CDH13: variants seen among roughly 807,000 people sequenced by gnomAD.
CDH13 encodes cadherin-13.
CDH13 carries 24 observed loss-of-function variants against 63.8 expected under a neutral mutation model. The observed-to-expected ratio is 0.38, with a 90% CI of 0.27 to 0.53. The LOEUF is 0.53. Ranked by LOEUF, CDH13 falls within the 20% of genes least tolerant of loss-of-function variation. The pLI is 0.85. For synonymous variants in CDH13, 503 were observed against 355.3 expected, an observed-to-expected ratio of 1.42 and a Z score of -4.67; for missense variants, 1,049 against 903.1, an observed-to-expected ratio of 1.16 and a Z score of -2.07.
chr16:82,691,406 G>A (rs1452490199), intron 1 of CDH13, among the ~76,000 whole-genome samples: 1 of 152,144 alleles, frequency 6.6e-6, no homozygotes, highest in African/African-American at 2.4e-5. Flanking sequence ...AAATCTTCAA[G>A]CTATAGGGGT....
chr16:83,440,449 G>C (rs1209393216), intron 6 of CDH13, among the ~76,000 whole-genome samples: 1 of 152,120 alleles, frequency 6.6e-6, no homozygotes, highest in Non-Finnish European at 1.5e-5. Flanking sequence ...CAGTCGTGGG[G>C]AGGAGGGGTC....
At chr16:83,567,956 A>G (rs1173183901) in intron 7 of CDH13, among the ~76,000 whole-genome samples, 1 of 152,164 alleles carries the variant, frequency 6.6e-6, no homozygotes, top group East Asian at 1.9e-4. Flanking sequence ...GCCCCAATTC[A>G]TCGCATTCTG....
intron 10 of CDH13, among the ~76,000 whole-genome samples, chr16:83,689,745 G>A (rs1240735799): frequency 6.6e-6 from 1 of 152,186 alleles, no homozygotes; most frequent in Non-Finnish European, 1.5e-5. Flanking sequence ...GTCCCTGAGT[G>A]TAGGCTGCAC....
intron 1 of CDH13, chr16:82,719,221 T>A: frequency 3.1e-6 from 1 of 324,418 alleles, no homozygotes; most frequent in Non-Finnish European, 6.2e-6. Flanking sequence ...CTCAGGAGTT[T>A]CCACGAGCAG....
intron 1 of CDH13, among the ~76,000 whole-genome samples, chr16:82,633,797 A>G (rs1005074899): frequency 6.6e-6 from 1 of 152,226 alleles, no homozygotes; most frequent in Non-Finnish European, 1.5e-5. Context: ...TGTTAATGCT[A>G]CAATTAATGC....
intron 10 of CDH13, among the ~76,000 whole-genome samples, chr16:83,691,120 C>CAG (rs147970060): frequency 9.3e-5 from 9 of 96,934 alleles, no homozygotes; most frequent in South Asian, 6.6e-4. Context: ...GTGTGTGTGT[C>CAG]AGAGAGAGAG....
chr16:82,651,110 G>C (rs80327453), intron 1 of CDH13, among the ~76,000 whole-genome samples: 14 of 152,156 alleles, frequency 9.2e-5, no homozygotes, highest in Non-Finnish European at 2.1e-4. Flanking sequence ...TCCCTCCTGG[G>C]ATAGAAATTT....
chr16:82,673,145 G>A (rs1913492838), intron 1 of CDH13, among the ~76,000 whole-genome samples: 1 of 151,626 alleles, frequency 6.6e-6, no homozygotes, highest in African/African-American at 2.4e-5. Flanking sequence ...CCCAGCCCCA[G>A]GAAACATGTT....
At chr16:83,401,497 G>A (rs1046580488) in intron 6 of CDH13, among the ~76,000 whole-genome samples, 13 of 152,190 alleles carry the variant, frequency 8.5e-5, no homozygotes, top group East Asian at 7.7e-4. Flanking sequence ...GGGTAACAGA[G>A]CAAGACTCCG....
chr16:82,812,866 T>C (rs919114789), intron 1 of CDH13, among the ~76,000 whole-genome samples: 3 of 151,390 alleles, frequency 2.0e-5, no homozygotes, highest in African/African-American at 7.3e-5. Context: ...TTCTTTCCTG[T>C]AGGAGATACT....
At chr16:83,590,473 G>C (rs560992735) in intron 7 of CDH13, among the ~76,000 whole-genome samples, 1 of 152,206 alleles carries the variant, frequency 6.6e-6, no homozygotes, top group Non-Finnish European at 1.5e-5. Flanking sequence ...TTGTGGGGAA[G>C]ATGGGTTCTG....
chr16:83,130,749 A>G (rs530118070), intron 4 of CDH13, among the ~76,000 whole-genome samples: 3 of 152,320 alleles, frequency 2.0e-5, no homozygotes, highest in Admixed American at 1.3e-4. Flanking sequence ...CTTTTAAATC[A>G]TTTGTCTTGC....
In CDH13 at chr16:83,748,148, A is replaced by G; in HGVS notation, c.1579A>G (p.Asn527Asp). Residue 527 changes from asparagine to aspartate, a missense_variant, in exon 11 of 14, where the codon AAC becomes GAC. Asn to Asp is a conservative substitution (Grantham distance 23). Transcript: ENST00000567109. ...YKDPAGWLNINPINGTVDTTA... is the reference protein window; with the variant it reads ...YKDPAGWLNIDPINGTVDTTA... ...GGACCCAGCAGGTTGGCTGAATATTAACCCCATCAATGGGACTGTTGACAC... is the reference window on the plus strand; with the variant it reads ...GGACCCAGCAGGTTGGCTGAATATTGACCCCATCAATGGGACTGTTGACAC... 1 of 1,613,908 alleles carries G rather than the reference A, an allele frequency of 6.2e-7. No individual in the cohort carries two copies. The highest frequency in any genetic ancestry group is 8.5e-7 in the Non-Finnish European group (1 of 1,179,850).
chr16:82,699,522 C>T lies in CDH13; in HGVS notation c.45+72385C>T, dbSNP rs138994740. On this transcript the variant is annotated intron_variant, in intron 1 of 13. Transcript: ENST00000567109. ...GCTCCACTTCATTAACATGGCCACCCTTAATGCGTGTCATAACTCTGCCTT... is the reference window on the plus strand; with the variant it reads ...GCTCCACTTCATTAACATGGCCACCTTTAATGCGTGTCATAACTCTGCCTT... Among the ~76,000 whole-genome samples the T allele has an allele frequency of 5.7e-3, 874 of 152,316 alleles. 8 individuals carry two copies. Among genetic ancestry groups the T allele is most frequent in the African/African-American group, 0.02 (833 of 41,566 alleles).
At chr16:82,710,318 G>T (rs7191653) in intron 1 of CDH13, among the ~76,000 whole-genome samples, 1 of 144,712 alleles carries the variant, frequency 6.9e-6, no homozygotes, top group Non-Finnish European at 1.5e-5. Context: ...TGGATCATGA[G>T]GTCAGGAGAT....
chr16:83,705,951 C>G (rs539523337), intron 10 of CDH13, among the ~76,000 whole-genome samples: 4 of 152,136 alleles, frequency 2.6e-5, no homozygotes, highest in Admixed American at 2.6e-4. Flanking sequence ...CTTTCAGCCC[C>G]CATTCATGCA....
Position 83,521,415 on chromosome 16 carries a change from G to A in CDH13, c.960+34760G>A, listed in dbSNP as rs77894924. On this transcript the variant is annotated intron_variant, in intron 7 of 13. Coordinates refer to ENST00000567109, the MANE Select transcript of CDH13 (RefSeq NM_001257.5). ...ATTTTTATGCTAATAGAGTAGTAGC[G>A]GCCAGGTGACCTTTAGCAGGTTCCT... 7.6e-3 allele frequency among the ~76,000 whole-genome samples: 1,156 copies of A among 151,992 alleles called. 36 individuals carry two copies. In the East Asian group the frequency reaches 0.089, roughly 12 times the overall value.
chr16:83,314,139 G>A (rs970785335), intron 5 of CDH13, among the ~76,000 whole-genome samples: 5 of 152,172 alleles, frequency 3.3e-5, no homozygotes, highest in Admixed American at 6.5e-5. Flanking sequence ...AATGAGCTAT[G>A]CATGTTGTGT....
At chr16:83,491,788 C>T (rs1462226036) in intron 7 of CDH13, among the ~76,000 whole-genome samples, 7 of 152,034 alleles carry the variant, frequency 4.6e-5, no homozygotes, top group Admixed American at 4.6e-4. Context: ...ACATATAATA[C>T]AAGATATTAG....
Sources: allele counts gnomAD v4.1 joint callset (sites outside exome capture counted in the v4.1 genomes callset), GRCh38; gene constraint gnomAD v4.1.1; transcripts MANE v1.5; gene names NCBI Gene and HGNC (gene_info 2026-07-23, HGNC 2026-07-21).